BCAS3: variants seen among roughly 807,000 people sequenced by gnomAD.
The protein encoded by BCAS3 is BCAS3 microtubule associated cell migration factor.
In BCAS3, 53 loss-of-function variants were observed where a neutral mutation model predicts 116.1. The observed-to-expected ratio is 0.46, with a 90% CI of 0.37 to 0.57. The LOEUF (loss-of-function observed/expected upper bound fraction) is 0.57. Among genes scored for constraint, BCAS3 ranks in the 20% least tolerant of loss-of-function variants. The probability of loss-of-function intolerance (pLI) is 0.00; values close to 1 mark genes in which losing one functional copy is unlikely to be tolerated. For missense variants in BCAS3, 917 were observed against 1,165.4 expected (o/e 0.79, Z 3.10); for synonymous variants, 391 against 408.2 (o/e 0.96, Z 0.51).
chr17:60,826,772 A>G (rs558681045), intron 7 of BCAS3, among the ~76,000 whole-genome samples: 2 of 152,294 alleles, frequency 1.3e-5, no homozygotes, highest in South Asian at 2.1e-4. Context: ...TAACAGGAGT[A>G]CTTAGAAATG....
At chr17:60,770,834 GTTTTTTTTTTTTTTTT>G (rs60854011) in intron 6 of BCAS3, among the ~76,000 whole-genome samples, 8 of 76,784 alleles carry the variant, frequency 1.0e-4, no homozygotes, top group East Asian at 1.5e-3. Flanking sequence ...ACTGAAATTT[GTTTTTTTTTTTTTTTT>G]TTTTTTTTTT....
chr17:60,991,330 A>G (rs2063511891), intron 15 of BCAS3, among the ~76,000 whole-genome samples: 1 of 152,130 alleles, frequency 6.6e-6, no homozygotes, highest in South Asian at 2.1e-4. Flanking sequence ...ACTTCTGTTT[A>G]TTTATCCTTT....
chr17:60,762,513 T>A (rs2043641211), intron 6 of BCAS3, among the ~76,000 whole-genome samples: 2 of 152,176 alleles, frequency 1.3e-5, no homozygotes, highest in Admixed American at 6.5e-5. Flanking sequence ...TGGTTGTAGA[T>A]GTGTGTTGTT....
intron 13 of BCAS3, among the ~76,000 whole-genome samples, chr17:60,930,543 G>A (rs560186425): frequency 2.0e-5 from 3 of 150,392 alleles, no homozygotes; most frequent in South Asian, 2.1e-4. Context: ...CACAATCTCC[G>A]CCTCCAGGTT....
rs1347848088 is a variant in BCAS3, at chr17:61,012,762, T to C, written c.1487-2989T>C. Among the ~76,000 whole-genome samples the C allele has an allele frequency of 2.0e-5, 3 of 152,072 alleles. No individual in the cohort carries two copies. The highest frequency in any genetic ancestry group is 7.2e-5 in the African/African-American group (3 of 41,442). On this transcript the variant is annotated intron_variant, in intron 15 of 23. Coordinates refer to ENST00000407086, the MANE Select transcript of BCAS3 (RefSeq NM_017679.5). The surrounding 1 kb of genome is among the most constrained non-coding windows in gnomAD (Gnocchi z 4.5). ...GCTATTCTGAGGTTGTCCTTTATCCTGGTGAGACAGTGAAGCATTTTAAGT... is the reference window on the plus strand; with the variant it reads ...GCTATTCTGAGGTTGTCCTTTATCCCGGTGAGACAGTGAAGCATTTTAAGT...
At chr17:61,218,384 G>A (rs2081925774) in intron 22 of BCAS3, among the ~76,000 whole-genome samples, 1 of 152,196 alleles carries the variant, frequency 6.6e-6, no homozygotes, top group East Asian at 1.9e-4. Flanking sequence ...CAGTCTGTCT[G>A]TCCTTAGAGC....
At chr17:61,359,411 T>C (rs1249658308) in intron 22 of BCAS3, among the ~76,000 whole-genome samples, 1 of 150,096 alleles carries the variant, frequency 6.7e-6, no homozygotes, top group East Asian at 2.0e-4. Flanking sequence ...TGGGCAGTGG[T>C]AGAACAGCGG....
rs2144421236 is a variant in BCAS3, at chr17:61,229,163, G to A, written c.2426-139164G>A. 6.6e-6 allele frequency among the ~76,000 whole-genome samples: 1 copy of A among 152,304 alleles called. No homozygotes were observed. Among genetic ancestry groups the A allele is most frequent in the Non-Finnish European group, 1.5e-5 (1 of 68,030 alleles). On this transcript the variant is annotated intron_variant, in intron 22 of 23. Transcript: ENST00000407086. The surrounding 1 kb of genome is among the most constrained non-coding windows in gnomAD (Gnocchi z 4.4). ...CAAAGTGCTGGGATTACTGATGTGAGCCACCGCACCTGGCCACCACCACAT... is the reference window on the plus strand; with the variant it reads ...CAAAGTGCTGGGATTACTGATGTGAACCACCGCACCTGGCCACCACCACAT...
chr17:60,900,535 C>G (rs940990087), intron 10 of BCAS3, among the ~76,000 whole-genome samples: 2 of 152,168 alleles, frequency 1.3e-5, no homozygotes, highest in African/African-American at 4.8e-5. Flanking sequence ...TGTTAGTTCT[C>G]TGTTGAATTC....
Position 61,368,125 on chromosome 17 carries a change from G to A in BCAS3, c.2426-202G>A, listed in dbSNP as rs898538962. On this transcript the variant is annotated intron_variant, in intron 22 of 23. Transcript: ENST00000407086. This position sits in a 1 kb window ranked among gnomAD's most constrained non-coding sequence, Gnocchi z 6.0. ...GTAAAACCACCAGCCTCAGTGTCAC[G>A]GAAGTCACTCCAGAGGTCTGCACTC... 1.4e-5 allele frequency: 6 copies of A among 440,554 alleles called. No homozygotes were observed. Among genetic ancestry groups the A allele is most frequent in the South Asian group, 8.6e-5 (1 of 11,658 alleles). 27.3% of individuals were successfully genotyped at this position (440,554 alleles called of 1,614,324 possible). A position where few individuals can be genotyped will look rare whatever the true frequency, so the allele number is the denominator to read the frequency against.
rs181224722 is a variant in BCAS3, at chr17:61,361,512, G to A, written c.2426-6815G>A. Among the ~76,000 whole-genome samples, 9 of 152,078 alleles carry A rather than the reference G, an allele frequency of 5.9e-5. No homozygotes were observed. Among genetic ancestry groups the A allele is most frequent in the Non-Finnish European group, 8.8e-5 (6 of 68,008 alleles). ...TATATCTATCTCACTGTGGGAGAAC[G>A]CTGGCTCATATAATTGGCCATCAGA... On this transcript the variant is annotated intron_variant, in intron 22 of 23. Coordinates refer to ENST00000407086, the MANE Select transcript of BCAS3 (RefSeq NM_017679.5). The surrounding 1 kb of genome is among the most constrained non-coding windows in gnomAD (Gnocchi z 6.5).
rs565399527 is a variant in BCAS3, at chr17:61,368,841, C to T, written c.2593+347C>T. 6.6e-6 allele frequency among the ~76,000 whole-genome samples: 1 copy of T among 152,204 alleles called. No individual in the cohort carries two copies. The highest frequency in any genetic ancestry group is 1.5e-5 in the Non-Finnish European group (1 of 68,034). ...TCCTCAGGTTGTACCTCTTCAGACA[C>T]GCTGGAGACTTAGAGATTGGCAAGT... On this transcript the variant is annotated intron_variant, in intron 23 of 23. Transcript: ENST00000407086. The surrounding 1 kb of genome is among the most constrained non-coding windows in gnomAD (Gnocchi z 6.0).
chr17:60,938,599 A>T (rs1277630111), intron 13 of BCAS3, among the ~76,000 whole-genome samples: 1 of 152,194 alleles, frequency 6.6e-6, no homozygotes, highest in South Asian at 2.1e-4. Context: ...ATAGAAAAAG[A>T]TTTCTTAGAT....
chr17:61,155,456 T>G (rs191230311), intron 22 of BCAS3, among the ~76,000 whole-genome samples: 1 of 152,008 alleles, frequency 6.6e-6, no homozygotes, highest in Non-Finnish European at 1.5e-5. Flanking sequence ...AATCTTGTTT[T>G]TATTTAATCA....
At chr17:60,796,402 G>A (rs2047217905) in intron 6 of BCAS3, among the ~76,000 whole-genome samples, 1 of 152,090 alleles carries the variant, frequency 6.6e-6, no homozygotes, top group African/African-American at 2.4e-5. Context: ...TTTCAGTCTT[G>A]CTGCTTGTTA....
intron 22 of BCAS3, among the ~76,000 whole-genome samples, chr17:61,123,315 C>T (rs2075882590): frequency 6.6e-6 from 1 of 152,034 alleles, no homozygotes; most frequent in South Asian, 2.1e-4. Flanking sequence ...ACCTGGTGCC[C>T]CACACCTCCA....
chr17:61,368,509 A>G lies in BCAS3; in HGVS notation c.2593+15A>G. On this transcript the variant is annotated intron_variant, in intron 23 of 23. Coordinates refer to ENST00000407086, the MANE Select transcript of BCAS3 (RefSeq NM_017679.5). This position sits in a 1 kb window ranked among gnomAD's most constrained non-coding sequence, Gnocchi z 6.0. ...ATCCGGAACAGGTAAAGGTGTCATC[A>G]GACTTCTAGCCTGATTTGGTCAGGA... is the stretch of plus-strand genomic sequence containing the variant. 1.3e-6 allele frequency: 2 copies of G among 1,588,612 alleles called. No individual in the cohort carries two copies. Among genetic ancestry groups the G allele is most frequent in the Non-Finnish European group, 1.7e-6 (2 of 1,160,368 alleles).
rs1385226525 is a variant in BCAS3, at chr17:61,205,593, T to C, written c.2425+121029T>C. On this transcript the variant is annotated intron_variant, in intron 22 of 23. Coordinates refer to ENST00000407086, the MANE Select transcript of BCAS3 (RefSeq NM_017679.5). This position sits in a 1 kb window ranked among gnomAD's most constrained non-coding sequence, Gnocchi z 5.2. The stretch of plus-strand genomic sequence containing the variant: ...TTGACATACTCAGAACAAATTGGTC[T>C]GTGTGATTGCTACCACATGCTGTAG... Among the ~76,000 whole-genome samples, 1 of 152,204 alleles carries C rather than the reference T, an allele frequency of 6.6e-6. No homozygotes were observed. Among genetic ancestry groups the C allele is most frequent in the Non-Finnish European group, 1.5e-5 (1 of 68,030 alleles).
rs2143214309 is a variant in BCAS3 at position 61,339,598 on chromosome 17, T to A, written c.2426-28729T>A. Among the ~76,000 whole-genome samples the A allele has an allele frequency of 6.6e-6, 1 of 152,128 alleles. No homozygotes were observed. Among genetic ancestry groups the A allele is most frequent in the South Asian group, 2.1e-4 (1 of 4,802 alleles). On this transcript the variant is annotated intron_variant, in intron 22 of 23. Transcript: ENST00000407086. This position sits in a 1 kb window ranked among gnomAD's most constrained non-coding sequence, Gnocchi z 4.4. ...CTAGCCAACATGGTGAAACCCCTTC[T>A]CTACTAAGAATACAAAAATTAGCCG...
Sources: allele counts gnomAD v4.1 joint callset (sites outside exome capture counted in the v4.1 genomes callset), GRCh38; gene constraint gnomAD v4.1.1; non-coding constraint Gnocchi (gnomAD v3.1); transcripts MANE v1.5; gene names NCBI Gene and HGNC (gene_info 2026-07-23, HGNC 2026-07-21).